AGO1: variants seen among roughly 807,000 people sequenced by gnomAD.
AGO1 encodes the protein protein argonaute-1.
AGO1 carries 11 observed loss-of-function variants against 109.2 expected under a neutral mutation model. The observed-to-expected ratio is 0.10, with a 90% CI of 0.06 to 0.17. The LOEUF is 0.17. AGO1 is among the 10% of genes least tolerant of loss of function. The probability of loss-of-function intolerance (pLI) is 1.00; values close to 1 mark genes in which losing one functional copy is unlikely to be tolerated. For synonymous variants in AGO1, 422 were observed against 418.6 expected (o/e 1.01, Z -0.10); for missense variants, 574 against 1,140.3 (o/e 0.50, Z 7.15).
intron 11 of AGO1, among the ~76,000 whole-genome samples, chr1:35,904,384 C>T (rs1453584702): frequency 5.3e-5 from 8 of 152,200 alleles, no homozygotes; most frequent in Non-Finnish European, 1.2e-4. Flanking sequence ...GGATCACAGG[C>T]GTGAGCCATC....
At chr1:35,906,864 G>T in intron 11 of AGO1, 71 bp from the exon 12 acceptor site, 1 of 1,358,320 alleles carries the variant, frequency 7.4e-7, no homozygotes, top group Non-Finnish European at 1.0e-6. Context: ...AAGCACCTAA[G>T]ATGGATGGAT....
At chr1:35,899,672 T>C (rs1339018243) in intron 8 of AGO1, among the ~76,000 whole-genome samples, 2 of 152,246 alleles carry the variant, frequency 1.3e-5, no homozygotes, top group East Asian at 3.8e-4. Context: ...TTCTCTGGAA[T>C]ATGGAGTTTG....
chr1:35,903,856 A>G (rs1348538238), intron 11 of AGO1, among the ~76,000 whole-genome samples: 2 of 151,730 alleles, frequency 1.3e-5, no homozygotes, highest in Admixed American at 6.6e-5. Context: ...CCAGCTGCTC[A>G]GGAGGCTAAG....
chr1:35,915,246 C>T (rs1489750727), intron 14 of AGO1, 102 bp from the exon 15 acceptor site: 1 of 968,592 alleles, frequency 1.0e-6, no homozygotes, highest in Non-Finnish European at 1.6e-6. Flanking sequence ...AAGCCCTAGT[C>T]ATTCAGTTGT....
In AGO1 at chr1:35,907,536, G is replaced by C. The variant is rs141332471; in HGVS notation, c.1582+417G>C. Among the ~76,000 whole-genome samples, 11 of 152,092 alleles carry C rather than the reference G, an allele frequency of 7.2e-5. No homozygotes were observed. In the East Asian group the frequency reaches 1.9e-3, roughly 27 times the overall value. On this transcript the variant is annotated intron_variant, in intron 12 of 18. Transcript: ENST00000373204. Reference sequence around the variant, plus strand: ...GGTAATTACTTGGACTTTTTGAGAGGCTTGCTATCTCTCCTCTTTTCCTCT... The same window carrying C: ...GGTAATTACTTGGACTTTTTGAGAGCCTTGCTATCTCTCCTCTTTTCCTCT...
intron 2 of AGO1, 103 bp from the exon 3 acceptor site, chr1:35,892,452 GGA>G: frequency 7.0e-7 from 1 of 1,436,966 alleles, no homozygotes; most frequent in Non-Finnish European, 9.7e-7. Flanking sequence ...GTAGATGTTA[GGA>G]GTGAGTATAA....
In AGO1 at chr1:35,909,474, A is replaced by G. The variant is rs563138700; in HGVS notation, c.1582+2355A>G. On this transcript the variant is annotated intron_variant, in intron 12 of 18. Transcript: ENST00000373204. ...TGCTCATTTCTTGTCTGTGGTTTTC[A>G]GTCTCTGGTGTTGTACACATCATTT... 9.8e-5 allele frequency among the ~76,000 whole-genome samples: 15 copies of G among 152,360 alleles called. No homozygotes were observed. The East Asian group carries it at 2.5e-3, about 25-fold the overall frequency.
At chr1:35,887,812 A>G (rs188451877) in intron 1 of AGO1, among the ~76,000 whole-genome samples, 19 of 150,934 alleles carry the variant, frequency 1.3e-4, no homozygotes, top group African/African-American at 3.7e-4. Context: ...CTCTTCTCCA[A>G]CCCCCTTTCT....
Position 35,893,641 on chromosome 1 carries a change from C to G in AGO1, c.513-33C>G, listed in dbSNP as rs1407055362. Reference sequence around the variant, plus strand: ...TGCCTCACAGGGTGGGGGCCTGTGCCCGAGGGACCAGTTCTCTGCCTGTCC... The same window carrying G: ...TGCCTCACAGGGTGGGGGCCTGTGCGCGAGGGACCAGTTCTCTGCCTGTCC... On this transcript the variant is annotated intron_variant, in intron 4 of 18. Coordinates refer to ENST00000373204, the MANE Select transcript of AGO1 (RefSeq NM_012199.5). This position sits in a 1 kb window ranked among gnomAD's most constrained non-coding sequence, Gnocchi z 5.6. 1.3e-6 allele frequency: 2 copies of G among 1,584,510 alleles called. No homozygotes were observed. Among genetic ancestry groups the G allele is most frequent in the African/African-American group, 2.7e-5 (2 of 74,450 alleles).
At chr1:35,882,813 G>A (rs1421442248), upstream of AGO1, 1 of 985,422 alleles carries the variant, frequency 1.0e-6, no homozygotes, top group Non-Finnish European at 1.2e-6. The surrounding 1 kb of genome is among the most constrained non-coding windows in gnomAD (Gnocchi z 5.1). Context: ...AAGGATGAGG[G>A]TGATTGGGAG....
chr1:35,881,505 A>G (rs1645036792), upstream of AGO1, among the ~76,000 whole-genome samples: 1 of 152,088 alleles, frequency 6.6e-6, no homozygotes, highest in Non-Finnish European at 1.5e-5. Flanking sequence ...TATTTTTAGT[A>G]GAGACGAGAC....
At position 35,922,862 on chromosome 1, in the gene AGO1, G is replaced by C. The variant is rs1645859379; in HGVS notation, c.*3255G>C. ...CATTTTCCACACCTGTCCACTCCTT[G>C]GAGCTGGTTTCTCTCATTGCTTTTT... On this transcript the variant is annotated 3_prime_UTR_variant, in exon 19 of 19. Transcript: ENST00000373204. 1 of 152,366 alleles carries C rather than the reference G, an allele frequency of 6.6e-6. No homozygotes were observed. Among genetic ancestry groups the C allele is most frequent in the East Asian group, 1.9e-4 (1 of 5,194 alleles). The allele number at this position is 152,366 out of a possible 1,614,324, so 9.4% of individuals were successfully genotyped here. A position where few individuals can be genotyped will look rare whatever the true frequency, so the allele number is the denominator to read the frequency against.
rs1212413679 is a variant in AGO1, at chr1:35,883,569, G to A, written c.25+123G>A. 1.5e-6 allele frequency: 2 copies of A among 1,365,496 alleles called. No individual in the cohort carries two copies. Among genetic ancestry groups the A allele is most frequent in the Admixed American group, 7.8e-5 (2 of 25,682 alleles). The allele number at this position is 1,365,496 out of a possible 1,614,324, so 84.6% of individuals were successfully genotyped here. ...AGGAGAAGGGCTCTCCCACGATGGG[G>A]GCCCAGTTTGAAGGAGGCTGTGTGC... On this transcript the variant is annotated intron_variant, in intron 1 of 18. Transcript: ENST00000373204. This position sits in a 1 kb window ranked among gnomAD's most constrained non-coding sequence, Gnocchi z 5.4.
intron 3 of AGO1, 57 bp downstream of exon 3, chr1:35,892,734 A>G (rs750321927): frequency 2.2e-5 from 35 of 1,601,794 alleles, no homozygotes; most frequent in Non-Finnish European, 3.0e-5. Context: ...AACCAAGCTC[A>G]TGTAAGCCTC....
In AGO1 at chr1:35,927,187, T is replaced by C. The variant is rs1571389968; in HGVS notation, c.*7580T>C. The C allele has an allele frequency of 6.6e-6, 1 of 152,178 alleles. No homozygotes were observed. The highest frequency in any genetic ancestry group is 6.5e-5 in the Admixed American group (1 of 15,278). 9.4% of individuals were successfully genotyped at this position (152,178 alleles called of 1,614,324 possible). On this transcript the variant is annotated 3_prime_UTR_variant, in exon 19 of 19. Coordinates refer to ENST00000373204, the MANE Select transcript of AGO1 (RefSeq NM_012199.5). ...GCTAGGTGTTTTCTACAGTATCTTATATAATTGCATCTTACAGCATCTTTA... is the reference window on the plus strand; with the variant it reads ...GCTAGGTGTTTTCTACAGTATCTTACATAATTGCATCTTACAGCATCTTTA...
rs1170126627 is a variant in AGO1, at chr1:35,902,243, A to G, written c.1303A>G (p.Met435Val). 6.2e-7 allele frequency: 1 copy of G among 1,614,144 alleles called. No homozygotes were observed. The change falls in exon 11 of 19, where the codon ATG becomes GTG. Residue 435 changes from methionine to valine, a missense_variant. Coordinates refer to ENST00000373204, the MANE Select transcript of AGO1 (RefSeq NM_012199.5). ...CACACCCAATCAGGGTGTCTGGGAC[A>G]TGCGGGGGAAACAGTTCTACAATGG... ...IATPNQGVWDMRGKQFYNGIE... is the reference protein window; with the variant it reads ...IATPNQGVWDVRGKQFYNGIE...
intron 11 of AGO1, 34 bp from the exon 12 acceptor site, chr1:35,906,901 T>G (rs1645531948): frequency 6.3e-7 from 1 of 1,579,086 alleles, no homozygotes; most frequent in Non-Finnish European, 8.6e-7. Flanking sequence ...CAAGTGAGAC[T>G]CACTGCCTCC....
At chr1:35,909,165 A>G (rs1484999925) in intron 12 of AGO1, among the ~76,000 whole-genome samples, 2 of 152,108 alleles carry the variant, frequency 1.3e-5, no homozygotes, top group African/African-American at 4.8e-5. Context: ...TGTGACTCTA[A>G]TATCAAAAAA....
At chr1:35,882,774 G>A, upstream of AGO1, 2 of 982,706 alleles carry the variant, frequency 2.0e-6, no homozygotes, top group Non-Finnish European at 2.4e-6. This position sits in a 1 kb window ranked among gnomAD's most constrained non-coding sequence, Gnocchi z 5.1. Flanking sequence ...AAGACTTCGT[G>A]GAGGCAGTCG....
Sources: gnomAD v4.1 joint callset for allele counts (sites outside exome capture counted in the v4.1 genomes callset) on GRCh38, gnomAD v4.1.1 for gene constraint, Gnocchi (gnomAD v3.1) non-coding constraint, MANE v1.5 for transcripts, NCBI Gene and HGNC (gene_info 2026-07-23, HGNC 2026-07-21) for gene names.